NEDD4L: variants seen among roughly 807,000 people sequenced by gnomAD.
NEDD4L encodes the protein NEDD4 like E3 ubiquitin protein ligase.
In NEDD4L, 54 loss-of-function variants were observed where a neutral mutation model predicts 148.9. The ratio of observed to expected loss-of-function variants is 0.36; its 90% confidence interval spans 0.29 to 0.45. The LOEUF (loss-of-function observed/expected upper bound fraction) is 0.45, where lower values mean the gene tolerates loss of function less well. Ranked by LOEUF, NEDD4L falls within the 20% of genes least tolerant of loss-of-function variation. The pLI is 1.00. For synonymous variants in NEDD4L, 433 were observed against 440.7 expected (o/e 0.98, Z 0.22); for missense variants, 856 against 1,233.8 (o/e 0.69, Z 4.59).
rs1435387399 is a variant in NEDD4L, at chr18:58,399,486, GATT to G, written c.*3224_*3226del. ...TCTCCCATGTAAGGACAAAGGGACA[GATT>G]ATTATTGTTATTTCTGAGACAGAGT... On this transcript the variant is annotated 3_prime_UTR_variant, in exon 31 of 31. Coordinates refer to ENST00000400345, the MANE Select transcript of NEDD4L (RefSeq NM_001144967.3). 6.6e-6 allele frequency: 1 copy of G among 152,146 alleles called. No individual in the cohort carries two copies. Among genetic ancestry groups the G allele is most frequent in the Non-Finnish European group, 1.5e-5 (1 of 68,030 alleles). 9.4% of individuals were successfully genotyped at this position (152,146 alleles called of 1,614,324 possible).
At chr18:58,200,489 G>C (rs1282693792) in intron 2 of NEDD4L, among the ~76,000 whole-genome samples, 1 of 152,308 alleles carries the variant, frequency 6.6e-6, no homozygotes, top group African/African-American at 2.4e-5. Flanking sequence ...TTCTGGGTCT[G>C]TAAAGCCACA....
At chr18:58,185,393 C>T (rs994556897) in intron 2 of NEDD4L, among the ~76,000 whole-genome samples, 3 of 152,116 alleles carry the variant, frequency 2.0e-5, no homozygotes, top group African/African-American at 7.2e-5. Context: ...TTTCATCAAC[C>T]CCAAACTGGA....
At chr18:58,151,625 ATGTGTGTGTGTGTGTGTGTG>A (rs113714456) in intron 1 of NEDD4L, among the ~76,000 whole-genome samples, 1 of 140,980 alleles carries the variant, frequency 7.1e-6, no homozygotes, top group Non-Finnish European at 1.5e-5. Flanking sequence ...GTGCCTGGAT[ATGTGTGTGTGTGTGTGTGTG>A]TGTGTGTGTG....
intron 14 of NEDD4L, among the ~76,000 whole-genome samples, 189 bp downstream of exon 14, chr18:58,341,358 A>T (rs1290376508): frequency 6.6e-6 from 1 of 152,218 alleles, no homozygotes; most frequent in Non-Finnish European, 1.5e-5. Flanking sequence ...AAATCAGTTT[A>T]TCACTGAATA....
At chr18:58,314,044 A>G (rs1425720922) in intron 5 of NEDD4L, among the ~76,000 whole-genome samples, 2 of 152,248 alleles carry the variant, frequency 1.3e-5, no homozygotes. Flanking sequence ...CACATTAAGC[A>G]GACAATTTAT....
At chr18:58,149,050 A>C (rs572226321) in intron 1 of NEDD4L, among the ~76,000 whole-genome samples, 1 of 152,368 alleles carries the variant, frequency 6.6e-6, no homozygotes, top group South Asian at 2.1e-4. Context: ...GCTCACAGCC[A>C]GCTGTCTGAT....
intron 19 of NEDD4L, among the ~76,000 whole-genome samples, chr18:58,361,584 G>C (rs1267158579): frequency 6.6e-6 from 1 of 152,184 alleles, no homozygotes; most frequent in East Asian, 1.9e-4. Flanking sequence ...TCAGAATCAG[G>C]ACCGGAGCCC....
chr18:58,345,919 T>G (rs1467634111), intron 16 of NEDD4L, among the ~76,000 whole-genome samples: 1 of 75,634 alleles, frequency 1.3e-5, no homozygotes, highest in African/African-American at 4.8e-5. Context: ...TTTTGTTGTT[T>G]TTTGTTTTTT....
intron 5 of NEDD4L, chr18:58,255,651 G>A (rs1267146656): frequency 8.1e-7 from 1 of 1,232,376 alleles, no homozygotes; most frequent in South Asian, 4.1e-5. Flanking sequence ...ATGGCCCATC[G>A]GCTTCGGTTT....
chr18:58,189,632 C>T (rs1313140579), intron 2 of NEDD4L, among the ~76,000 whole-genome samples: 1 of 152,194 alleles, frequency 6.6e-6, no homozygotes, highest in Non-Finnish European at 1.5e-5. Flanking sequence ...TGCACACATC[C>T]TGGTCAGCCC....
At chr18:58,352,453 G>A (rs1255366740) in intron 18 of NEDD4L, among the ~76,000 whole-genome samples, 2 of 152,072 alleles carry the variant, frequency 1.3e-5, no homozygotes, top group Admixed American at 6.5e-5. Context: ...TCAGGAGTTC[G>A]AGATTAGCCT....
chr18:58,343,839 G>A (rs571268309), intron 16 of NEDD4L, among the ~76,000 whole-genome samples: 1 of 152,246 alleles, frequency 6.6e-6, no homozygotes, highest in South Asian at 2.1e-4. Context: ...CTTTTTCAGT[G>A]TAGTATATGA....
chr18:58,350,886 GAA>G, intron 17 of NEDD4L, 103 bp from the exon 18 acceptor site: 1 of 809,020 alleles, frequency 1.2e-6, no homozygotes, highest in Non-Finnish European at 2.0e-6. Flanking sequence ...TACCCTAGCA[GAA>G]AAGAGTACAG....
intron 5 of NEDD4L, among the ~76,000 whole-genome samples, chr18:58,269,887 G>T (rs2050777049): frequency 6.7e-6 from 1 of 149,512 alleles, no homozygotes; most frequent in Admixed American, 6.6e-5. Context: ...AAATAAACTT[G>T]CATTCAAGCA....
chr18:58,221,571 A>T (rs1346654881), intron 2 of NEDD4L: 1 of 985,252 alleles, frequency 1.0e-6, no homozygotes, highest in East Asian at 1.1e-4. Flanking sequence ...ATTCCTTCTC[A>T]GTTGTGTTAA....
At chr18:58,274,891 CTATAATAATTTGA>C (rs1297557855) in intron 5 of NEDD4L, among the ~76,000 whole-genome samples, 1 of 152,128 alleles carries the variant, frequency 6.6e-6, no homozygotes, top group African/African-American at 2.4e-5. Context: ...GGTTGAGTTT[CTATAATAATTTGA>C]TTTCTGTAGC....
At chr18:58,121,776 A>G (rs954913496) in intron 1 of NEDD4L, among the ~76,000 whole-genome samples, 2 of 152,254 alleles carry the variant, frequency 1.3e-5, no homozygotes, top group African/African-American at 4.8e-5. Flanking sequence ...TCCCAATAAT[A>G]TATGAATGCA....
In NEDD4L at chr18:58,242,634, G is replaced by T. The variant is rs1394616527; in HGVS notation, c.123-2793G>T. Among the ~76,000 whole-genome samples, 2 of 152,120 alleles carry T rather than the reference G, an allele frequency of 1.3e-5. 1 individual carries two copies. The highest frequency in any genetic ancestry group is 1.3e-4 in the Admixed American group (2 of 15,268). On this transcript the variant is annotated intron_variant, in intron 2 of 30. Coordinates refer to ENST00000400345, the MANE Select transcript of NEDD4L (RefSeq NM_001144967.3). ...TCCCACCTCAACCTCTGTGGTGGCT[G>T]TGACTACAGGTGCATGCCACCACAC... is the stretch of plus-strand genomic sequence containing the variant.
chr18:58,367,157 G>A (rs2146132420), intron 21 of NEDD4L: 2 of 152,430 alleles, frequency 1.3e-5, no homozygotes, highest in South Asian at 4.1e-4. Flanking sequence ...TGTGATCCCA[G>A]TTTGAAAACT....
Sources: allele counts gnomAD v4.1 joint callset (sites outside exome capture counted in the v4.1 genomes callset), GRCh38; gene constraint gnomAD v4.1.1; transcripts MANE v1.5; gene names NCBI Gene and HGNC (gene_info 2026-07-23, HGNC 2026-07-21).